Variants in SHANK2 observed in about 807,000 individuals in gnomAD.
SHANK2 encodes SH3 and multiple ankyrin repeat domains protein 2.
In SHANK2, 43 loss-of-function variants were observed where a neutral mutation model predicts 133.7. That is an observed-to-expected ratio of 0.32 (90% confidence interval 0.25 to 0.41). SHANK2 has a LOEUF of 0.41. Ranked by LOEUF, SHANK2 falls within the 10% of genes least tolerant of loss-of-function variation. The pLI, the probability that SHANK2 is intolerant of heterozygous loss-of-function variation, is 1.00. For synonymous variants in SHANK2, 1,017 were observed against 952.8 expected (o/e 1.07, Z -1.24); for missense variants, 1,994 against 2,235.8 (o/e 0.89, Z 2.18).
At chr11:70,935,711 G>T (rs1950561882) in intron 10 of SHANK2, among the ~76,000 whole-genome samples, 1 of 151,252 alleles carries the variant, frequency 6.6e-6, no homozygotes, top group East Asian at 1.9e-4. Flanking sequence ...ATGAAGACAT[G>T]AAAAAAACAG....
intron 14 of SHANK2, among the ~76,000 whole-genome samples, chr11:70,706,906 G>C (rs1945673914): frequency 6.6e-6 from 1 of 152,298 alleles, no homozygotes; most frequent in Admixed American, 6.5e-5. Context: ...GCTTGGCAAG[G>C]AAGCCAAGAT....
At chr11:70,601,015 A>ATATATC (rs56326812) in intron 17 of SHANK2, among the ~76,000 whole-genome samples, 13,942 of 128,266 alleles carry the variant, frequency 0.11, 894 homozygotes, top group African/African-American at 0.19. Context: ...AGTAAAGAGA[A>ATATATC]TATATCTATA....
In SHANK2 at chr11:70,470,024, A is replaced by G. The variant is rs1330524370; in HGVS notation, c.*2845T>C. ...TGATCTTAAAACCTGGAATAATATC[A>G]ACATGATCTTTAGATGAGCAGTTTA... On this transcript the variant is annotated 3_prime_UTR_variant, in exon 26 of 26. Transcript: ENST00000601538. 5 of 152,618 alleles carry G rather than the reference A, an allele frequency of 3.3e-5. No homozygotes were observed. Among genetic ancestry groups the G allele is most frequent in the African/African-American group, 9.6e-5 (4 of 41,468 alleles). The allele number at this position is 152,618 out of a possible 1,614,324, so 9.5% of individuals were successfully genotyped here. A position where few individuals can be genotyped will look rare whatever the true frequency, so the allele number is the denominator to read the frequency against.
At chr11:70,816,476 T>C (rs1590716168) in intron 12 of SHANK2, among the ~76,000 whole-genome samples, 2 of 152,300 alleles carry the variant, frequency 1.3e-5, no homozygotes, top group East Asian at 3.9e-4. Flanking sequence ...CTTCTGATGG[T>C]AACCAGAAAG....
intron 14 of SHANK2, among the ~76,000 whole-genome samples, chr11:70,743,442 C>G (rs960968467): frequency 2.0e-5 from 3 of 152,182 alleles, no homozygotes; most frequent in South Asian, 4.1e-4. Flanking sequence ...GTCTGCAGAC[C>G]ATAAAGGACT....
At chr11:70,863,510 CG>C (rs1949296966) in intron 11 of SHANK2, 1 of 457,796 alleles carries the variant, frequency 2.2e-6, no homozygotes, top group African/African-American at 2.0e-5. Context: ...CTCTAGGACT[CG>C]CCCACCTGCT....
intron 2 of SHANK2, among the ~76,000 whole-genome samples, chr11:71,198,786 T>C (rs1243965996): frequency 3.3e-5 from 5 of 151,958 alleles, no homozygotes; most frequent in African/African-American, 1.2e-4. Context: ...TGTGGGCAAG[T>C]GAGGTTGTGA....
chr11:71,075,826 G>A (rs1353902179), intron 8 of SHANK2, among the ~76,000 whole-genome samples: 2 of 152,200 alleles, frequency 1.3e-5, no homozygotes, highest in Non-Finnish European at 2.9e-5. Flanking sequence ...TAAGTTGCAG[G>A]ACGCAGGGGT....
At chr11:71,122,689 CG>C (rs551590401) in intron 3 of SHANK2, among the ~76,000 whole-genome samples, 104 of 152,184 alleles carry the variant, frequency 6.8e-4, no homozygotes, top group African/African-American at 2.4e-3. Flanking sequence ...ATCATGCACA[CG>C]GGGAGACGAC....
chr11:70,950,822 G>C (rs768388848), intron 10 of SHANK2, among the ~76,000 whole-genome samples: 10 of 151,792 alleles, frequency 6.6e-5, no homozygotes, highest in Non-Finnish European at 1.3e-4. Flanking sequence ...TGTGTTTTTT[G>C]TTTTGTTATG....
chr11:71,247,152 G>A (rs1555125101), intron 1 of SHANK2, among the ~76,000 whole-genome samples: 2 of 152,168 alleles, frequency 1.3e-5, no homozygotes, highest in East Asian at 1.9e-4. Flanking sequence ...AGAAAAGAAC[G>A]ATGAAAATGT....
chr11:70,763,402 C>T (rs1309955987), intron 14 of SHANK2, among the ~76,000 whole-genome samples: 2 of 152,124 alleles, frequency 1.3e-5, no homozygotes, highest in East Asian at 3.9e-4. Context: ...AACTGTGCTG[C>T]CCTGAGGATT....
intron 14 of SHANK2, among the ~76,000 whole-genome samples, chr11:70,740,216 A>C (rs181379319): frequency 4.7e-4 from 72 of 152,348 alleles, no homozygotes; most frequent in African/African-American, 1.7e-3. Flanking sequence ...CACTGGACAC[A>C]GGAGGTGCTG....
chr11:70,621,006 CACA>C (rs1449876868), intron 17 of SHANK2, among the ~76,000 whole-genome samples: 1 of 152,202 alleles, frequency 6.6e-6, no homozygotes, highest in Non-Finnish European at 1.5e-5. Flanking sequence ...TCTGTGTGAC[CACA>C]ACAGGCCTCA....
At chr11:70,806,855 G>A (rs530771219) in intron 13 of SHANK2, 147 bp downstream of exon 13, 49 of 590,770 alleles carry the variant, frequency 8.3e-5, no homozygotes, top group Middle Eastern at 8.9e-4. Flanking sequence ...GTCTGGGAAC[G>A]TCACTCTGTT....
At chr11:70,870,859 C>T (rs1555070053) in intron 11 of SHANK2, among the ~76,000 whole-genome samples, 1 of 152,204 alleles carries the variant, frequency 6.6e-6, no homozygotes, top group Non-Finnish European at 1.5e-5. Flanking sequence ...TCACTGCAGC[C>T]TCCGCCCACA....
intron 17 of SHANK2, among the ~76,000 whole-genome samples, chr11:70,641,783 T>C (rs1435887894): frequency 2.0e-5 from 3 of 152,146 alleles, no homozygotes; most frequent in Non-Finnish European, 4.4e-5. Context: ...TGTTACGGTG[T>C]CCAGCATTGC....
intron 2 of SHANK2, among the ~76,000 whole-genome samples, chr11:71,214,189 C>T (rs1954351247): frequency 6.6e-6 from 1 of 152,340 alleles, no homozygotes; most frequent in Admixed American, 6.5e-5. Context: ...GGCCCCAGGG[C>T]TCATGCCCCC....
At chr11:71,159,618 G>A (rs1476291713) in intron 2 of SHANK2, among the ~76,000 whole-genome samples, 2 of 152,158 alleles carry the variant, frequency 1.3e-5, no homozygotes, top group African/African-American at 2.4e-5. Flanking sequence ...ACAAGGCATC[G>A]GGTACAAGGC....
Sources: allele counts gnomAD v4.1 joint callset (sites outside exome capture counted in the v4.1 genomes callset), GRCh38; gene constraint gnomAD v4.1.1; transcripts MANE v1.5; gene names NCBI Gene and HGNC (gene_info 2026-07-23, HGNC 2026-07-21).